SCYL2: variants seen among roughly 807,000 people sequenced by gnomAD.
SCYL2 encodes the protein SCY1-like protein 2.
SCYL2 carries 36 observed loss-of-function variants against 100.4 expected under a neutral mutation model. That is an observed-to-expected ratio of 0.36 (90% CI 0.27 to 0.47). The LOEUF (loss-of-function observed/expected upper bound fraction) is 0.47. Ranked by LOEUF, SCYL2 falls within the 20% of genes least tolerant of loss-of-function variation. SCYL2 has a pLI of 1.00. For missense variants in SCYL2, 902 were observed against 1,083.9 expected (o/e 0.83, Z 2.36); for synonymous variants, 330 against 359.2 (o/e 0.92, Z 0.92).
chr12:100,334,314 A>G lies in SCYL2; in HGVS notation c.1862+48A>G, dbSNP rs572967416. On this transcript the variant is annotated intron_variant, in intron 14 of 17. Transcript: ENST00000360820. ...ATATGTGGTCCGGGAGTGAAATTAT[A>G]GTTGTCTTATGATTGATTTTCTGGA... 5 of 1,050,260 alleles carry G rather than the reference A, an allele frequency of 4.8e-6. No individual in the cohort carries two copies. In the South Asian group the frequency reaches 5.2e-5, roughly 11 times the overall value. 65.1% of individuals were successfully genotyped at this position (1,050,260 alleles called of 1,614,324 possible). A position where few individuals can be genotyped will look rare whatever the true frequency, so the allele number is the denominator to read the frequency against.
intron 4 of SCYL2, among the ~76,000 whole-genome samples, chr12:100,307,041 A>G (rs1168844370): frequency 6.6e-6 from 1 of 152,250 alleles, no homozygotes; most frequent in Non-Finnish European, 1.5e-5. Context: ...GATAGGAAGA[A>G]TTAATATTGT....
chr12:100,281,877 A>G (rs1178319091), intron 1 of SCYL2, among the ~76,000 whole-genome samples: 1 of 152,048 alleles, frequency 6.6e-6, no homozygotes, highest in African/African-American at 2.4e-5. Context: ...TGCTTAGTAA[A>G]GTGTAAAGTG....
intron 1 of SCYL2, among the ~76,000 whole-genome samples, chr12:100,273,293 T>G (rs1334505045): frequency 6.6e-6 from 1 of 152,192 alleles, no homozygotes; most frequent in Admixed American, 6.5e-5. Flanking sequence ...TCTATCCAGT[T>G]TACTCCTCTA....
At chr12:100,283,392 A>T (rs544719364) in intron 2 of SCYL2, among the ~76,000 whole-genome samples, 4 of 152,348 alleles carry the variant, frequency 2.6e-5, no homozygotes, top group African/African-American at 9.6e-5. Flanking sequence ...AATTTTGCTT[A>T]CTTAATAAAC....
In SCYL2 at chr12:100,311,036, A is replaced by G. The variant is rs1421370960; in HGVS notation, c.481-8A>G. 1.0e-5 allele frequency: 16 copies of G among 1,535,982 alleles called. No homozygotes were observed. The highest frequency in any genetic ancestry group is 2.4e-5 in the East Asian group (1 of 42,212). On this transcript the variant is annotated splice_polypyrimidine_tract_variant and splice_region_variant and intron_variant, in intron 4 of 17. Transcript: ENST00000360820. ...ATTTAGTGTAAAATGTGTTTTTTCC[A>G]TTTACAGGTTTCTGAAGGATTGTCA...
intron 12 of SCYL2, among the ~76,000 whole-genome samples, chr12:100,328,523 G>A (rs1471223259): frequency 6.6e-6 from 1 of 152,174 alleles, no homozygotes; most frequent in Non-Finnish European, 1.5e-5. Flanking sequence ...TATAAGTCAT[G>A]TGCACATTAA....
chr12:100,282,338 T>C (rs2096299663), intron 1 of SCYL2, among the ~76,000 whole-genome samples: 2 of 126,746 alleles, frequency 1.6e-5, no homozygotes, highest in Non-Finnish European at 1.8e-5. Flanking sequence ...TTTTTTTTTT[T>C]TTTTTGAGAT....
At chr12:100,298,567 G>C (rs1025944367) in intron 4 of SCYL2, among the ~76,000 whole-genome samples, 16 of 151,804 alleles carry the variant, frequency 1.1e-4, no homozygotes, top group African/African-American at 3.9e-4. Context: ...TTTCTTTTTT[G>C]AGACGGAGTT....
chr12:100,322,626 A>G (rs924591512), intron 10 of SCYL2, among the ~76,000 whole-genome samples: 7 of 151,876 alleles, frequency 4.6e-5, no homozygotes, highest in African/African-American at 1.7e-4. Flanking sequence ...GCATGGGCCA[A>G]GGTAGGTGGA....
At position 100,315,650 on chromosome 12, in the gene SCYL2, T is replaced by C; in HGVS notation, c.1188T>C (p.Ile396=). ...TTGTTTTGCCCAATGTTCTACTTAT[T>C]GCTGAGGAATGCACCAAAGAAGAAT... ...VPFVLPNVLL[I]AEECTKEEYV... The change falls in exon 9 of 18, where the codon ATT becomes ATC. Residue 396 remains isoleucine (I), a synonymous_variant. Coordinates refer to ENST00000360820, the MANE Select transcript of SCYL2 (RefSeq NM_017988.6). 6.2e-7 allele frequency: 1 copy of C among 1,612,618 alleles called. No individual in the cohort carries two copies. The highest frequency in any genetic ancestry group is 8.5e-7 in the Non-Finnish European group (1 of 1,179,110).
chr12:100,272,390 A>C (rs906442842), intron 1 of SCYL2, among the ~76,000 whole-genome samples: 1 of 152,150 alleles, frequency 6.6e-6, no homozygotes, highest in Non-Finnish European at 1.5e-5. Flanking sequence ...GTTTAAGTTC[A>C]GGTCTTATTT....
intron 2 of SCYL2, among the ~76,000 whole-genome samples, chr12:100,284,480 CTG>C (rs910136735): frequency 2.6e-5 from 4 of 152,156 alleles, no homozygotes; most frequent in African/African-American, 9.7e-5. Flanking sequence ...ACTGAATATC[CTG>C]TCTTTACTAC....
At position 100,334,244 on chromosome 12, in the gene SCYL2, C is replaced by A; in HGVS notation, c.1840C>A (p.His614Asn). The A allele has an allele frequency of 6.3e-7, 1 of 1,592,744 alleles. No homozygotes were observed. ...SEHKTKLEQL[H>N]IMQEQQKSLD... ...ACATAAGACTAAACTGGAGCAACTT[C>A]ATATAATGCAAGAACAGCAGAAGTA... The change falls in exon 14 of 18, where the codon CAT becomes AAT. Residue 614 changes from histidine to asparagine, a missense_variant. Physicochemically the swap from His to Asn is moderately conservative, Grantham distance 68 (BLOSUM62 1). Transcript: ENST00000360820.
rs912050874 is a variant in SCYL2 at position 100,341,029 on chromosome 12, A to G, written c.*1857A>G. 5 of 152,036 alleles carry G rather than the reference A, an allele frequency of 3.3e-5. No homozygotes were observed. The highest frequency in any genetic ancestry group is 3.9e-4 in the East Asian group (2 of 5,194). 9.4% of individuals were successfully genotyped at this position (152,036 alleles called of 1,614,324 possible). A position where few individuals can be genotyped will look rare whatever the true frequency, so the allele number is the denominator to read the frequency against. On this transcript the variant is annotated 3_prime_UTR_variant, in exon 18 of 18. Coordinates refer to ENST00000360820, the MANE Select transcript of SCYL2 (RefSeq NM_017988.6). ...CATGATGTTAGTGTTGAACTCTTAA[A>G]CAGAAAGAAAGCTTAATATAACAGC...
At chr12:100,327,672 C>T (rs1952149420) in intron 12 of SCYL2, among the ~76,000 whole-genome samples, 1 of 152,066 alleles carries the variant, frequency 6.6e-6, no homozygotes, top group African/African-American at 2.4e-5. Flanking sequence ...TGCCACCACG[C>T]ATGGCTAATT....
At chr12:100,319,301 A>G (rs1309018798) in intron 10 of SCYL2, 4 of 454,744 alleles carry the variant, frequency 8.8e-6, no homozygotes, top group Admixed American at 2.4e-5. Context: ...GTCTACCTCT[A>G]TTTCTTAGTT....
intron 1 of SCYL2, among the ~76,000 whole-genome samples, chr12:100,275,149 A>G (rs1197986831): frequency 6.6e-6 from 1 of 152,174 alleles, no homozygotes; most frequent in African/African-American, 2.4e-5. Context: ...CCCTTGAAAC[A>G]GTATTTTTAA....
At chr12:100,278,533 C>G (rs999873796) in intron 1 of SCYL2, among the ~76,000 whole-genome samples, 2 of 152,078 alleles carry the variant, frequency 1.3e-5, no homozygotes, top group Non-Finnish European at 2.9e-5. Flanking sequence ...TTTTCCCCAA[C>G]CTGTAGAATT....
chr12:100,335,548 A>C, intron 14 of SCYL2, 77 bp from the exon 15 acceptor site: 1 of 1,041,114 alleles, frequency 9.6e-7, no homozygotes, highest in Non-Finnish European at 1.4e-6. Context: ...TTCCATGTGA[A>C]TAAATAATTT....
Sources: gnomAD v4.1 joint callset for allele counts (sites outside exome capture counted in the v4.1 genomes callset) on GRCh38, gnomAD v4.1.1 for gene constraint, MANE v1.5 for transcripts, NCBI Gene and HGNC (gene_info 2026-07-23, HGNC 2026-07-21) for gene names.